The following AGAP1 variants were observed in gnomAD, a reference collection of about 807,000 sequenced individuals.
The protein encoded by AGAP1 is arf-GAP with GTPase, ANK repeat and PH domain-containing protein 1.
In AGAP1, 29 loss-of-function variants were observed where a neutral mutation model predicts 105.3. The observed-to-expected ratio is 0.28, with a 90% CI of 0.21 to 0.38. The LOEUF is 0.38. Among genes scored for constraint, AGAP1 ranks in the 10% least tolerant of loss-of-function variants. The pLI, the probability that AGAP1 is intolerant of heterozygous loss-of-function variation, is 1.00. For missense variants in AGAP1, 998 were observed against 1,165.1 expected (o/e 0.86, Z 2.09); for synonymous variants, 509 against 485.9 (o/e 1.05, Z -0.63).
rs900490749 is a variant in AGAP1, at chr2:236,080,524, C to G, written c.2114+31243C>G. Among the ~76,000 whole-genome samples, 1 of 152,200 alleles carries G rather than the reference C, an allele frequency of 6.6e-6. No individual in the cohort carries two copies. Among genetic ancestry groups the G allele is most frequent in the African/African-American group, 2.4e-5 (1 of 41,456 alleles). Reference sequence around the variant, plus strand: ...AGACATCAAGCTCAATGGATGCCACCAAGGGCAGCCACCTGCTGTATCTTG... The same window carrying G: ...AGACATCAAGCTCAATGGATGCCACGAAGGGCAGCCACCTGCTGTATCTTG... On this transcript the variant is annotated intron_variant, in intron 16 of 17. Transcript: ENST00000304032. The surrounding 1 kb of genome is among the most constrained non-coding windows in gnomAD (Gnocchi z 4.2).
Position 235,740,847 on chromosome 2 carries a change from A to T in AGAP1, c.311-116A>T. ...TTTGCTGGCAACATCCTAAATACTC[A>T]GTTGCCTCCAGGGCGACAGCCTAGG... On this transcript the variant is annotated intron_variant, in intron 3 of 17. Transcript: ENST00000304032. This position sits in a 1 kb window ranked among gnomAD's most constrained non-coding sequence, Gnocchi z 5.7. 1 of 1,144,054 alleles carries T rather than the reference A, an allele frequency of 8.7e-7. No individual in the cohort carries two copies. The highest frequency in any genetic ancestry group is 1.5e-5 in the South Asian group (1 of 64,728). 70.9% of individuals were successfully genotyped at this position (1,144,054 alleles called of 1,614,324 possible). A position where few individuals can be genotyped will look rare whatever the true frequency, so the allele number is the denominator to read the frequency against.
intron 10 of AGAP1, among the ~76,000 whole-genome samples, chr2:235,886,353 G>T (rs2050275372): frequency 6.6e-6 from 1 of 152,296 alleles, no homozygotes; most frequent in Non-Finnish European, 1.5e-5. Flanking sequence ...CTCAGGCTCA[G>T]TCGAAGGGAT....
Position 236,061,120 on chromosome 2 carries a change from A to G in AGAP1, c.2114+11839A>G, listed in dbSNP as rs1194674976. Among the ~76,000 whole-genome samples the G allele has an allele frequency of 6.6e-6, 1 of 152,232 alleles. No individual in the cohort carries two copies. The highest frequency in any genetic ancestry group is 1.5e-5 in the Non-Finnish European group (1 of 68,034). On this transcript the variant is annotated intron_variant, in intron 16 of 17. Transcript: ENST00000304032. The surrounding 1 kb of genome is among the most constrained non-coding windows in gnomAD (Gnocchi z 4.1). ...TAAGACTCTAAATAGACATTTCTCCAGAAAATATAAAAATGGCCAGTAAAT... is the reference window on the plus strand; with the variant it reads ...TAAGACTCTAAATAGACATTTCTCCGGAAAATATAAAAATGGCCAGTAAAT...
Position 236,101,480 on chromosome 2 carries a change from G to A in AGAP1, c.2115-18712G>A, listed in dbSNP as rs1265233919. Among the ~76,000 whole-genome samples, 7 of 152,222 alleles carry A rather than the reference G, an allele frequency of 4.6e-5. No homozygotes were observed. In the South Asian group the frequency reaches 1.0e-3, roughly 23 times the overall value. ...GCCAGCAAATCCCTGAGAAGCCACC[G>A]GCCTGAACTGGGCCCTCTGCAGTCA... On this transcript the variant is annotated intron_variant, in intron 16 of 17. Transcript: ENST00000304032. The surrounding 1 kb of genome is among the most constrained non-coding windows in gnomAD (Gnocchi z 4.9).
chr2:236,123,947 C>A lies in AGAP1; in HGVS notation c.2399C>A (p.Ala800Asp). The stretch of plus-strand genomic sequence containing the variant: ...GGAGTGGACGTCACGGCCCGAGATG[C>A]CCACGGGAACACAGCTCTGGCCTAC... ...WYGVDVTARD[A>D]HGNTALAYAR... Residue 800 changes from alanine (A) to aspartate (D), a missense_variant, in exon 18 of 18, where the codon GCC becomes GAC. Physicochemically the swap from Ala to Asp is moderately radical, Grantham distance 126. Coordinates refer to ENST00000304032, the MANE Select transcript of AGAP1 (RefSeq NM_001037131.3). This position sits in a 1 kb window ranked among gnomAD's most constrained non-coding sequence, Gnocchi z 4.6. 1 of 1,613,608 alleles carries A rather than the reference C, an allele frequency of 6.2e-7. No homozygotes were observed. Among genetic ancestry groups the A allele is most frequent in the Non-Finnish European group, 8.5e-7 (1 of 1,179,914 alleles).
chr2:235,833,993 T>G (rs1959801416), intron 9 of AGAP1, among the ~76,000 whole-genome samples: 1 of 151,436 alleles, frequency 6.6e-6, no homozygotes, highest in Non-Finnish European at 1.5e-5. Flanking sequence ...ACTGGCTCTT[T>G]GTCCAGTATT....
rs139119853 is a variant in AGAP1, at chr2:235,859,874, C to G, written c.1051-23471C>G. On this transcript the variant is annotated intron_variant, in intron 9 of 17. Coordinates refer to ENST00000304032, the MANE Select transcript of AGAP1 (RefSeq NM_001037131.3). ...CAAGAGGCAACAAACAGCTCTGATT[C>G]TAGGACAACTCAGTTCTTGGCTGTG... 2.4e-3 allele frequency among the ~76,000 whole-genome samples: 362 copies of G among 152,286 alleles called. 3 individuals are homozygous for G. Among genetic ancestry groups the G allele is most frequent in the South Asian group, 0.01 (49 of 4,826 alleles).
intron 9 of AGAP1, among the ~76,000 whole-genome samples, chr2:235,863,911 G>T (rs2049038518): frequency 6.6e-6 from 1 of 152,194 alleles, no homozygotes; most frequent in Admixed American, 6.5e-5. Context: ...AGAAACTAGA[G>T]GGAACAAGGG....
intron 9 of AGAP1, among the ~76,000 whole-genome samples, chr2:235,848,756 C>T (rs1331624445): frequency 6.6e-6 from 1 of 152,178 alleles, no homozygotes; most frequent in African/African-American, 2.4e-5. Context: ...CACAGTTGCA[C>T]CTTGATCATT....
chr2:235,959,094 A>T lies in AGAP1; in HGVS notation c.1484-9368A>T, dbSNP rs1187775122. Among the ~76,000 whole-genome samples, 1 of 152,104 alleles carries T rather than the reference A, an allele frequency of 6.6e-6. No homozygotes were observed. The highest frequency in any genetic ancestry group is 1.5e-5 in the Non-Finnish European group (1 of 68,016). On this transcript the variant is annotated intron_variant, in intron 12 of 17. Transcript: ENST00000304032. This position sits in a 1 kb window ranked among gnomAD's most constrained non-coding sequence, Gnocchi z 7.3. Reference sequence around the variant, plus strand: ...TCAGAGCCGGTTTAGATGTGGAGTAATGAGGCGCTCGCTTTTTTAATTTGG... The same window carrying T: ...TCAGAGCCGGTTTAGATGTGGAGTATTGAGGCGCTCGCTTTTTTAATTTGG...
intron 12 of AGAP1, among the ~76,000 whole-genome samples, chr2:235,949,389 C>T (rs1163357324): frequency 6.6e-6 from 1 of 152,130 alleles, no homozygotes; most frequent in East Asian, 1.9e-4. Context: ...TGCTGCCATA[C>T]CACTTCAAAA....
At chr2:236,006,428 CAG>C (rs2056324975) in intron 13 of AGAP1, among the ~76,000 whole-genome samples, 1 of 152,180 alleles carries the variant, frequency 6.6e-6, no homozygotes, top group African/African-American at 2.4e-5. Flanking sequence ...TCTTGGCCAA[CAG>C]AGTAAAGAAC....
In AGAP1 at chr2:235,820,801, G is replaced by T. The variant is rs143124158; in HGVS notation, c.1050+13470G>T. ...CAGATAGCTCTGGTTGGGTGTGTTG[G>T]CCTTCCTTTGCTCATATCTAAAGTA... On this transcript the variant is annotated intron_variant, in intron 9 of 17. Coordinates refer to ENST00000304032, the MANE Select transcript of AGAP1 (RefSeq NM_001037131.3). Among the ~76,000 whole-genome samples, 126 of 152,256 alleles carry T rather than the reference G, an allele frequency of 8.3e-4. 2 individuals carry two copies. In the East Asian group the frequency reaches 0.02, roughly 24 times the overall value.
intron 1 of AGAP1, among the ~76,000 whole-genome samples, 164 bp downstream of exon 1, chr2:235,495,013 C>T (rs1392863542): frequency 6.6e-6 from 1 of 151,860 alleles, no homozygotes; most frequent in Non-Finnish European, 1.5e-5. Context: ...GCCGGGCGAG[C>T]GTCGCCTGCG....
At chr2:236,021,818 G>A (rs915897388) in intron 13 of AGAP1, among the ~76,000 whole-genome samples, 7 of 152,044 alleles carry the variant, frequency 4.6e-5, no homozygotes, top group African/African-American at 1.7e-4. Context: ...CATCACTTTG[G>A]GAGGCTGAGG....
chr2:235,725,692 A>G lies in AGAP1; in HGVS notation c.310+8048A>G, dbSNP rs1951610104. Among the ~76,000 whole-genome samples the G allele has an allele frequency of 1.3e-5, 2 of 152,150 alleles. No homozygotes were observed. The highest frequency in any genetic ancestry group is 4.2e-4 in the South Asian group (2 of 4,818). On this transcript the variant is annotated intron_variant, in intron 3 of 17. Transcript: ENST00000304032. This position sits in a 1 kb window ranked among gnomAD's most constrained non-coding sequence, Gnocchi z 5.7. ...ATGAGCCTGCTGCTATGTTGGTTTA[A>G]TAGATAAAGCAGAAGTCAGTTCAGC...
chr2:235,815,252 T>A (rs1191354603), intron 9 of AGAP1, among the ~76,000 whole-genome samples: 1 of 152,174 alleles, frequency 6.6e-6, no homozygotes, highest in African/African-American at 2.4e-5. Context: ...GATCTCTCGG[T>A]TCTAGAGGCT....
intron 16 of AGAP1, among the ~76,000 whole-genome samples, chr2:236,075,778 C>T (rs1011072544): frequency 3.9e-5 from 6 of 152,220 alleles, no homozygotes; most frequent in Non-Finnish European, 8.8e-5. Context: ...GCAGTGAGAG[C>T]TGATTGCTGC....
In AGAP1 at chr2:235,721,477, ATG is replaced by A. The variant is rs57069910; in HGVS notation, c.310+3859_310+3860del. ...TTGGATTGACAGATTCCTTAATATT[ATG>A]TGTGTGTGTGTGTGTGTGTGTGTGT... On this transcript the variant is annotated intron_variant, in intron 3 of 17. Transcript: ENST00000304032. The surrounding 1 kb of genome is among the most constrained non-coding windows in gnomAD (Gnocchi z 4.5). Among the ~76,000 whole-genome samples the A allele has an allele frequency of 0.19, 27,861 of 149,496 alleles. 2,981 individuals carry two copies. The highest frequency in any genetic ancestry group is 0.34 in the East Asian group (1,733 of 5,050).
Sources: allele counts gnomAD v4.1 joint callset (sites outside exome capture counted in the v4.1 genomes callset), GRCh38; gene constraint gnomAD v4.1.1; non-coding constraint Gnocchi (gnomAD v3.1); transcripts MANE v1.5; gene names NCBI Gene and HGNC (gene_info 2026-07-23, HGNC 2026-07-21).